PPHLN1: variants seen among roughly 807,000 people sequenced by gnomAD.
PPHLN1 encodes the protein periphilin 1, also known as periphilin-1.
In PPHLN1, 29 loss-of-function variants were observed where a neutral mutation model predicts 51.3. The ratio of observed to expected loss-of-function variants is 0.57; its 90% CI spans 0.42 to 0.77. The LOEUF is 0.77. Ranked by LOEUF, PPHLN1 falls within the 30% of genes least tolerant of loss-of-function variation. PPHLN1 has a pLI of 0.00. For missense variants in PPHLN1, 436 were observed against 438.4 expected (o/e 0.99, Z 0.05); for synonymous variants, 147 against 147.8 (o/e 0.99, Z 0.04).
intron 1 of PPHLN1, among the ~76,000 whole-genome samples, chr12:42,328,591 A>G (rs1187581410): frequency 2.6e-5 from 4 of 152,264 alleles, no homozygotes; most frequent in Non-Finnish European, 5.9e-5. Context: ...ATCAATTATA[A>G]TGGACAATCA....
At chr12:42,353,130 C>T (rs1000723881) in intron 3 of PPHLN1, among the ~76,000 whole-genome samples, 5 of 151,998 alleles carry the variant, frequency 3.3e-5, no homozygotes, top group African/African-American at 7.2e-5. Context: ...TATTACAACT[C>T]GCTTCTCTTG....
chr12:42,390,397 C>T (rs952345496), intron 7 of PPHLN1, among the ~76,000 whole-genome samples: 6 of 152,106 alleles, frequency 3.9e-5, no homozygotes, highest in Non-Finnish European at 1.5e-5. Context: ...GTAAATAGTA[C>T]CTGCCTATCA....
At chr12:42,371,811 T>A (rs145867720) in intron 4 of PPHLN1, among the ~76,000 whole-genome samples, 1 of 152,202 alleles carries the variant, frequency 6.6e-6, no homozygotes, top group Non-Finnish European at 1.5e-5. Flanking sequence ...GGTAATACTT[T>A]GGATATATTG....
chr12:42,409,249 C>T (rs1002679123), intron 9 of PPHLN1, among the ~76,000 whole-genome samples: 10 of 150,794 alleles, frequency 6.6e-5, no homozygotes, highest in Admixed American at 6.6e-4. Context: ...TCATTAAAAC[C>T]AAAAAAAATG....
At chr12:42,387,847 G>T (rs981623615) in intron 7 of PPHLN1, among the ~76,000 whole-genome samples, 3 of 152,202 alleles carry the variant, frequency 2.0e-5, no homozygotes, top group African/African-American at 7.2e-5. Context: ...CTGTAACTTT[G>T]CCCCAACCTT....
At chr12:42,408,667 G>C (rs974898661) in intron 9 of PPHLN1, among the ~76,000 whole-genome samples, 1 of 152,140 alleles carries the variant, frequency 6.6e-6, no homozygotes, top group African/African-American at 2.4e-5. Context: ...TCATTGTAAT[G>C]GGATTGGTGA....
chr12:42,412,031 C>G (rs1377533989), intron 9 of PPHLN1, among the ~76,000 whole-genome samples: 1 of 151,722 alleles, frequency 6.6e-6, no homozygotes, highest in African/African-American at 2.4e-5. Context: ...ATGGTGAAAC[C>G]CCGTCTCTAC....
At chr12:42,354,458 C>T (rs1347324426) in intron 3 of PPHLN1, among the ~76,000 whole-genome samples, 1 of 152,148 alleles carries the variant, frequency 6.6e-6, no homozygotes, top group South Asian at 2.1e-4. Context: ...GATACACCCT[C>T]CTTGGCATCC....
chr12:42,402,819 G>C (rs1486339912), intron 9 of PPHLN1, among the ~76,000 whole-genome samples: 2 of 152,160 alleles, frequency 1.3e-5, no homozygotes, highest in Non-Finnish European at 2.9e-5. Context: ...TCCGTAGATA[G>C]GGTGTTAGAT....
At chr12:42,332,591 A>C (rs1195121815) in intron 1 of PPHLN1, 4 of 1,017,528 alleles carry the variant, frequency 3.9e-6, no homozygotes, top group Non-Finnish European at 6.1e-6. Flanking sequence ...ATGAAGATTT[A>C]ATTATTTCTC....
intron 4 of PPHLN1, among the ~76,000 whole-genome samples, chr12:42,364,010 G>A (rs768641189): frequency 2.0e-4 from 30 of 152,000 alleles, no homozygotes; most frequent in Admixed American, 7.9e-4. Flanking sequence ...GATCGCTTGA[G>A]GCCAGGAGTT....
At chr12:42,392,506 T>A (rs980478399) in intron 7 of PPHLN1, among the ~76,000 whole-genome samples, 1 of 152,026 alleles carries the variant, frequency 6.6e-6, no homozygotes, top group African/African-American at 2.4e-5. Flanking sequence ...TAATAGAAGG[T>A]TTTTTAAGAA....
chr12:42,445,611 T>C (rs781754746), downstream of PPHLN1: 32 of 205,790 alleles, frequency 1.6e-4, no homozygotes, highest in Admixed American at 3.6e-4. Context: ...ATGGTCCGGC[T>C]TATGCCAGCT....
At chr12:42,326,466 G>A (rs3810787) in intron 1 of PPHLN1, among the ~76,000 whole-genome samples, 8,887 of 152,258 alleles carry the variant, frequency 0.058, 284 homozygotes, top group Admixed American at 0.077. Context: ...GCAAGAAGAC[G>A]ACTGAGCTAG....
intron 4 of PPHLN1, chr12:42,359,121 A>C (rs570260682): frequency 1.2e-4 from 19 of 152,258 alleles, no homozygotes; most frequent in African/African-American, 4.6e-4. Flanking sequence ...ACTGTATTCT[A>C]ATTATTCTGT....
intron 8 of PPHLN1, among the ~76,000 whole-genome samples, chr12:42,396,081 G>GA (rs1280164940): frequency 6.6e-6 from 1 of 150,618 alleles, no homozygotes; most frequent in Non-Finnish European, 1.5e-5. Context: ...GTCTGAGGAA[G>GA]AAAAAAAAAG....
downstream of PPHLN1, chr12:42,442,898 A>C (rs575268151): frequency 7.7e-4 from 902 of 1,178,782 alleles, no homozygotes; most frequent in Non-Finnish European, 9.4e-4. Flanking sequence ...CGCAGGCTCA[A>C]TTAAGGGACC....
At chr12:42,376,753 A>G (rs1348166081) in intron 5 of PPHLN1, among the ~76,000 whole-genome samples, 4 of 152,158 alleles carry the variant, frequency 2.6e-5, no homozygotes, top group Non-Finnish European at 4.4e-5. Flanking sequence ...ACGCCACTGC[A>G]CTCTAACCTG....
intron 7 of PPHLN1, 138 bp from the exon 8 acceptor site, chr12:42,393,432 G>A (rs866856905): frequency 2.1e-5 from 16 of 766,512 alleles, no homozygotes; most frequent in Middle Eastern, 3.1e-4. Flanking sequence ...TTTTGAAGGA[G>A]GAAATAAAGA....
Sources: allele counts gnomAD v4.1 joint callset (sites outside exome capture counted in the v4.1 genomes callset), GRCh38; gene constraint gnomAD v4.1.1; transcripts MANE v1.5; gene names NCBI Gene and HGNC (gene_info 2026-07-23, HGNC 2026-07-21).